The following DSCAM variants were observed in gnomAD, a reference collection of about 807,000 sequenced individuals.
The protein encoded by DSCAM is DS cell adhesion molecule, also known as cell adhesion molecule DSCAM.
A neutral mutation model predicts 217.7 loss-of-function variants in DSCAM; 47 were observed. The observed-to-expected ratio is 0.22, with a 90% CI of 0.17 to 0.28. The LOEUF (loss-of-function observed/expected upper bound fraction) is 0.28. DSCAM is among the 10% of genes least tolerant of loss of function. DSCAM has a pLI of 1.00. For synonymous variants in DSCAM, 1,056 were observed against 1,015.3 expected (o/e 1.04, Z -0.76); for missense variants, 2,080 against 2,618.3 (o/e 0.79, Z 4.49).
intron 10 of DSCAM, among the ~76,000 whole-genome samples, chr21:40,280,180 CCTT>C (rs1282042382): frequency 1.1e-5 from 1 of 87,780 alleles, no homozygotes; most frequent in Admixed American, 1.1e-4. Context: ...GATTTTGGTG[CCTT>C]TTTTTTTTTT....
chr21:40,454,752 T>C (rs139542429), intron 3 of DSCAM, among the ~76,000 whole-genome samples: 111 of 152,306 alleles, frequency 7.3e-4, no homozygotes, highest in Non-Finnish European at 6.8e-4. Flanking sequence ...AGGGTAAATA[T>C]ACAGAGAGGA....
rs570696863 is a variant in DSCAM at position 40,096,378 on chromosome 21, C to T, written c.3697-2504G>A. On this transcript the variant is annotated intron_variant, in intron 20 of 32. Transcript: ENST00000400454. ...CACCTTGAGCACATACTGTCAGGAC[C>T]TCCTAAGGCTGTGTCATGGGCACGC... Among the ~76,000 whole-genome samples, 10 of 152,250 alleles carry T rather than the reference C, an allele frequency of 6.6e-5. 1 individual carries two copies. The South Asian group carries it at 2.1e-3, about 32-fold the overall frequency.
chr21:40,840,190 C>T (rs2123680166), intron 1 of DSCAM, among the ~76,000 whole-genome samples: 1 of 152,128 alleles, frequency 6.6e-6, no homozygotes, highest in East Asian at 1.9e-4. Flanking sequence ...ATGAAGATAG[C>T]AACTGTCATA....
chr21:40,548,064 C>G (rs1209886917), intron 3 of DSCAM, among the ~76,000 whole-genome samples: 1 of 152,078 alleles, frequency 6.6e-6, no homozygotes, highest in East Asian at 1.9e-4. Context: ...GGGAGAGAGC[C>G]GGTTGGTTAA....
intron 11 of DSCAM, among the ~76,000 whole-genome samples, chr21:40,218,292 AAGATGATTGT>A (rs1449304453): frequency 6.6e-6 from 1 of 152,110 alleles, no homozygotes; most frequent in African/African-American, 2.4e-5. Context: ...TATCAATGCT[AAGATGATTGT>A]AGATGTGTGA....
intron 1 of DSCAM, among the ~76,000 whole-genome samples, chr21:40,727,383 T>C (rs2090966912): frequency 6.6e-6 from 1 of 152,176 alleles, no homozygotes; most frequent in African/African-American, 2.4e-5. Context: ...GCACATTTGT[T>C]AGTACTTCAG....
At chr21:40,101,587 C>T (rs545244652) in intron 20 of DSCAM, among the ~76,000 whole-genome samples, 9 of 152,104 alleles carry the variant, frequency 5.9e-5, no homozygotes, top group South Asian at 2.1e-4. Context: ...AGTATTAGTC[C>T]GTAGCCCGGG....
At chr21:40,614,230 C>A (rs1453376294) in intron 3 of DSCAM, among the ~76,000 whole-genome samples, 1 of 152,194 alleles carries the variant, frequency 6.6e-6, no homozygotes, top group Non-Finnish European at 1.5e-5. Context: ...CTGTAGACCA[C>A]CCTAAGGGTT....
chr21:40,571,120 G>A (rs888362018), intron 3 of DSCAM, among the ~76,000 whole-genome samples: 1 of 151,790 alleles, frequency 6.6e-6, no homozygotes, highest in Non-Finnish European at 1.5e-5. Flanking sequence ...AATCTTAAAA[G>A]TAGCAAGAAA....
chr21:40,252,941 G>A (rs185681863), intron 11 of DSCAM, among the ~76,000 whole-genome samples: 1 of 152,284 alleles, frequency 6.6e-6, no homozygotes, highest in African/African-American at 2.4e-5. Context: ...GTAAGGGGCG[G>A]GGGGCTGAGA....
At chr21:40,146,465 T>C (rs973632922) in intron 16 of DSCAM, among the ~76,000 whole-genome samples, 5 of 152,176 alleles carry the variant, frequency 3.3e-5, no homozygotes, top group Admixed American at 1.3e-4. Context: ...ATGAACAGCA[T>C]TGATGGATTC....
intron 27 of DSCAM, 98 bp from the exon 28 acceptor site, chr21:40,062,997 A>T: frequency 9.3e-7 from 1 of 1,080,122 alleles, no homozygotes; most frequent in Non-Finnish European, 1.3e-6. Context: ...CAGAACAGTC[A>T]TTTTGAAACA....
chr21:40,420,581 T>C (rs2075414236), intron 3 of DSCAM, among the ~76,000 whole-genome samples: 1 of 152,176 alleles, frequency 6.6e-6, no homozygotes, highest in Non-Finnish European at 1.5e-5. Context: ...AAAATTTGTA[T>C]GTTCATGTCC....
Position 40,530,920 on chromosome 21 carries a change from A to ACCATCCATCCAT in DSCAM, c.509-161687_509-161676dup, listed in dbSNP as rs749257248. On this transcript the variant is annotated intron_variant, in intron 3 of 32. Coordinates refer to ENST00000400454, the MANE Select transcript of DSCAM (RefSeq NM_001389.5). ...ATCCATCCATCCATCCATCCATTCA[A>ACCATCCATCCAT]CCATCCATCCATCCATCCATCCATC... 1.5e-3 allele frequency among the ~76,000 whole-genome samples: 136 copies of ACCATCCATCCAT among 88,544 alleles called. 2 individuals carry two copies. The highest frequency in any genetic ancestry group is 0.012 in the Middle Eastern group (2 of 162). 58.1% of individuals were successfully genotyped at this position (88,544 alleles called of 152,430 possible).
At chr21:40,471,649 G>A (rs1213358515) in intron 3 of DSCAM, among the ~76,000 whole-genome samples, 1 of 152,114 alleles carries the variant, frequency 6.6e-6, no homozygotes, top group Non-Finnish European at 1.5e-5. Context: ...GAAAGTTCTG[G>A]AGCCAGCACT....
At position 40,143,238 on chromosome 21, in the gene DSCAM, G is replaced by A. The variant is rs550241951; in HGVS notation, c.3260-534C>T. On this transcript the variant is annotated intron_variant, in intron 17 of 32. Transcript: ENST00000400454. ...CTAGAGGGAAGAGAGACCATAGACA[G>A]GTCAGAAGAATATTGAAAATATTTT... Among the ~76,000 whole-genome samples the A allele has an allele frequency of 1.7e-4, 26 of 152,304 alleles. No individual in the cohort carries two copies. The South Asian group carries it at 5.4e-3, about 32-fold the overall frequency.
chr21:40,734,616 C>T lies in DSCAM; in HGVS notation c.44-25845G>A, dbSNP rs146343313. On this transcript the variant is annotated intron_variant, in intron 1 of 32. Transcript: ENST00000400454. ...CTTCTTCGAATGTAAATCCAATTGT[C>T]GGAGAGGTCTACAGATAATGTTTAC... Among the ~76,000 whole-genome samples, 222 of 152,322 alleles carry T rather than the reference C, an allele frequency of 1.5e-3. 4 individuals are homozygous for T. In the East Asian group the frequency reaches 0.04, roughly 27 times the overall value.
At chr21:40,823,124 A>G (rs1217251410) in intron 1 of DSCAM, among the ~76,000 whole-genome samples, 1 of 151,986 alleles carries the variant, frequency 6.6e-6, no homozygotes, top group African/African-American at 2.4e-5. Flanking sequence ...CACTCCAGCC[A>G]GGGTGACAAA....
chr21:40,813,645 G>GTTTTT (rs869088003), intron 1 of DSCAM, among the ~76,000 whole-genome samples: 2 of 126,514 alleles, frequency 1.6e-5, no homozygotes, highest in African/African-American at 5.8e-5. Flanking sequence ...TTTCTTTCTT[G>GTTTTT]TTTTTTTTTT....
Sources: allele counts gnomAD v4.1 joint callset (sites outside exome capture counted in the v4.1 genomes callset), GRCh38; gene constraint gnomAD v4.1.1; transcripts MANE v1.5; gene names NCBI Gene and HGNC (gene_info 2026-07-23, HGNC 2026-07-21).